Variants in OSBPL10 observed in about 807,000 individuals in gnomAD.
OSBPL10 encodes the protein oxysterol binding protein like 10, also known as oxysterol-binding protein-related protein 10.
A neutral mutation model predicts 81.7 loss-of-function variants in OSBPL10; 49 were observed. The ratio of observed to expected loss-of-function variants is 0.60; its 90% CI spans 0.48 to 0.76. The LOEUF is 0.76. Among genes scored for constraint, OSBPL10 ranks in the 30% least tolerant of loss-of-function variants. The probability of loss-of-function intolerance (pLI) is 0.00; values close to 1 mark genes in which losing one functional copy is unlikely to be tolerated. For synonymous variants in OSBPL10, 419 were observed against 383.6 expected, an observed-to-expected ratio of 1.09 and a Z score of -1.08; for missense variants, 923 against 987.8, an observed-to-expected ratio of 0.93 and a Z score of 0.88.
chr3:32,041,846 A>T (rs973142645), intron 2 of OSBPL10, among the ~76,000 whole-genome samples: 5 of 151,976 alleles, frequency 3.3e-5, no homozygotes, highest in Non-Finnish European at 5.9e-5. Context: ...TTTAGTAGAG[A>T]CGGGTGTTTC....
chr3:31,914,487 T>A (rs1321991785), intron 1 of OSBPL10, among the ~76,000 whole-genome samples: 1 of 152,152 alleles, frequency 6.6e-6, no homozygotes, highest in Non-Finnish European at 1.5e-5. Flanking sequence ...ACCACAGCAC[T>A]CTTTTTGTCA....
At chr3:31,873,296 A>G (rs1701378673) in intron 3 of OSBPL10, among the ~76,000 whole-genome samples, 2 of 152,192 alleles carry the variant, frequency 1.3e-5, no homozygotes, top group African/African-American at 4.8e-5. Context: ...CCAAAAGCAA[A>G]GCAACATAAT....
At position 31,712,402 on chromosome 3, in the gene OSBPL10, G is replaced by A. The variant is rs920539846; in HGVS notation, c.1096-9894C>T. Among the ~76,000 whole-genome samples, 9 of 152,170 alleles carry A rather than the reference G, an allele frequency of 5.9e-5. 1 individual carries two copies. Among genetic ancestry groups the A allele is most frequent in the African/African-American group, 1.9e-4 (8 of 41,434 alleles). On this transcript the variant is annotated intron_variant, in intron 6 of 11. Coordinates refer to ENST00000396556, the MANE Select transcript of OSBPL10 (RefSeq NM_017784.5). ...AAGGGGGCTTTACACATGTGATTAC[G>A]TTAAGGACCTTGAGATGAGGAGATT...
chr3:32,051,696 G>T (rs562269493), intron 1 of OSBPL10, among the ~76,000 whole-genome samples: 2 of 152,236 alleles, frequency 1.3e-5, no homozygotes, highest in South Asian at 4.1e-4. Context: ...TTTCTTGAAT[G>T]GTTCCACCCT....
At chr3:31,883,063 T>C (rs1438450161) in intron 1 of OSBPL10, among the ~76,000 whole-genome samples, 2 of 152,124 alleles carry the variant, frequency 1.3e-5, no homozygotes, top group Non-Finnish European at 2.9e-5. Context: ...ATATTTAATG[T>C]CATTCTGACT....
chr3:31,796,667 TCCACGGCC>T (rs1699221084), intron 4 of OSBPL10, among the ~76,000 whole-genome samples: 1 of 152,218 alleles, frequency 6.6e-6, no homozygotes. Context: ...TTTAGCAGCA[TCCACGGCC>T]TCTACCACTA....
intron 4 of OSBPL10, among the ~76,000 whole-genome samples, chr3:31,783,142 T>TAG (rs1202222642): frequency 2.1e-5 from 2 of 93,894 alleles, no homozygotes; most frequent in African/African-American, 8.0e-5. Flanking sequence ...TATATATATA[T>TAG]ATATACACAC....
At position 32,075,270 on chromosome 3, in the gene OSBPL10, T is replaced by C. The variant is rs534369996; in HGVS notation, n.185+2126A>G. ...ACTCACTGCTGAAAAAGGAGGACTC[T>C]GTATATTTTTAAATGAAGAGTGTTG... On this transcript the variant is annotated intron_variant and non_coding_transcript_variant, in intron 1 of 3. Coordinates refer to the OSBPL10 transcript ENST00000479173. Among the ~76,000 whole-genome samples, 3 of 152,296 alleles carry C rather than the reference T, an allele frequency of 2.0e-5. No individual in the cohort carries two copies. The South Asian group carries it at 6.2e-4, about 32-fold the overall frequency.
chr3:31,751,171 A>T (rs944405469), intron 4 of OSBPL10, among the ~76,000 whole-genome samples: 7 of 151,816 alleles, frequency 4.6e-5, no homozygotes, highest in Admixed American at 3.9e-4. Flanking sequence ...CAAACAAACA[A>T]CAACAACAAA....
At chr3:32,040,421 T>C (rs1306457820) in intron 2 of OSBPL10, among the ~76,000 whole-genome samples, 1 of 150,732 alleles carries the variant, frequency 6.6e-6, no homozygotes, top group Non-Finnish European at 1.5e-5. Context: ...AATATATATA[T>C]AGAAATTAGC....
chr3:31,684,010 T>C lies in OSBPL10; in HGVS notation c.1350A>G (p.Thr450=). Residue 450 remains threonine (T), a synonymous_variant, in exon 8 of 12, where the codon ACA becomes ACG. Coordinates refer to ENST00000396556, the MANE Select transcript of OSBPL10 (RefSeq NM_017784.5). Reference sequence around the variant, plus strand: ...CGAAGCAAATGACTCTCTCCTCTGGTGTGGCCCCAGCGGTGATGGCCAGCA... The same window carrying C: ...CGAAGCAAATGACTCTCTCCTCTGGCGTGGCCCCAGCGGTGATGGCCAGCA... ...DLLLAITAGA[T]PEERVICFVE... The C allele has an allele frequency of 6.2e-7, 1 of 1,614,190 alleles. No homozygotes were observed. Among genetic ancestry groups the C allele is most frequent in the African/African-American group, 1.3e-5 (1 of 75,054 alleles).
At position 31,879,848 on chromosome 3, in the gene OSBPL10, A is replaced by C. The variant is rs775209813; in HGVS notation, c.282-18T>G. ...CGAAGTACCTGCACAGAGAAACCAC[A>C]GTACATCATTTTTCTCTCCTACCCT... is the stretch of plus-strand genomic sequence containing the variant. On this transcript the variant is annotated intron_variant, in intron 1 of 11. Transcript: ENST00000396556. 24 of 1,608,774 alleles carry C rather than the reference A, an allele frequency of 1.5e-5. No individual in the cohort carries two copies. The East Asian group carries it at 5.3e-4, about 36-fold the overall frequency.
intron 7 of OSBPL10, among the ~76,000 whole-genome samples, chr3:31,686,904 CA>C (rs779768700): frequency 1.3e-5 from 2 of 152,168 alleles, no homozygotes; most frequent in Non-Finnish European, 2.9e-5. Context: ...TGTCCAATAG[CA>C]GAGTAAATAA....
intron 2 of OSBPL10, among the ~76,000 whole-genome samples, chr3:32,004,119 T>C (rs1297564256): frequency 2.0e-5 from 3 of 152,248 alleles, no homozygotes; most frequent in South Asian, 2.1e-4. Flanking sequence ...TTTTAACTTA[T>C]ATTATTTTAA....
At chr3:31,888,720 A>G (rs1371259398) in intron 1 of OSBPL10, among the ~76,000 whole-genome samples, 2 of 152,160 alleles carry the variant, frequency 1.3e-5, no homozygotes, top group African/African-American at 2.4e-5. Flanking sequence ...CAGGAGTTCA[A>G]GACCAGCCTG....
intron 1 of OSBPL10, among the ~76,000 whole-genome samples, chr3:31,890,903 A>AT (rs1395117412): frequency 6.6e-6 from 1 of 152,118 alleles, no homozygotes; most frequent in Admixed American, 6.5e-5. Flanking sequence ...GCTTTGTACT[A>AT]TAACACACCC....
intron 1 of OSBPL10, among the ~76,000 whole-genome samples, chr3:31,948,131 C>T (rs1322914627): frequency 1.3e-5 from 2 of 152,210 alleles, no homozygotes; most frequent in Non-Finnish European, 2.9e-5. Context: ...GAAGTATTAG[C>T]AGCTAACTCC....
intron 2 of OSBPL10, among the ~76,000 whole-genome samples, chr3:32,029,012 G>T (rs1252896259): frequency 6.8e-6 from 1 of 147,750 alleles, no homozygotes; most frequent in Non-Finnish European, 1.5e-5. Context: ...GTGGCCATCA[G>T]GTGATGGTCA....
intron 11 of OSBPL10, chr3:31,662,466 AG>A (rs1442900252): frequency 9.5e-7 from 1 of 1,047,440 alleles, no homozygotes; most frequent in African/African-American, 1.7e-5. Context: ...GGGAAAGAAA[AG>A]GCAAGGGTGT....
Sources: allele counts gnomAD v4.1 joint callset (sites outside exome capture counted in the v4.1 genomes callset), GRCh38; gene constraint gnomAD v4.1.1; transcripts MANE v1.5; gene names NCBI Gene and HGNC (gene_info 2026-07-23, HGNC 2026-07-21).